Variants in GNG7 observed in about 807,000 individuals in gnomAD.
GNG7 encodes the protein guanine nucleotide-binding protein G(I)/G(S)/G(O) subunit gamma-7.
Under a neutral mutation model 4.0 loss-of-function variants are expected in GNG7, and 1 was observed. The observed-to-expected ratio is 0.25, with a 90% CI of 0.09 to 1.18. GNG7 has a LOEUF of 1.18. Among genes scored for constraint, GNG7 ranks in the 50% most tolerant of loss-of-function variants. GNG7 has a pLI of 0.50. For synonymous variants in GNG7, 34 were observed against 36.9 expected, an observed-to-expected ratio of 0.92 and a Z score of 0.29; for missense variants, 86 against 91.9, an observed-to-expected ratio of 0.94 and a Z score of 0.26.
chr19:2,568,940 TACAC>T (rs1458255846), intron 2 of GNG7, among the ~76,000 whole-genome samples: 1 of 151,060 alleles, frequency 6.6e-6, no homozygotes, highest in Non-Finnish European at 1.5e-5. Flanking sequence ...AATATACAAA[TACAC>T]ACAAATATAC....
chr19:2,606,130 G>A (rs1599418109), intron 2 of GNG7, among the ~76,000 whole-genome samples: 1 of 152,314 alleles, frequency 6.6e-6, no homozygotes, highest in South Asian at 2.1e-4. Flanking sequence ...CGTAATCCCA[G>A]CACTGTGGGA....
chr19:2,512,517 C>T lies in GNG7; in HGVS notation c.*2505G>A, dbSNP rs895780129. 1.5e-4 allele frequency: 41 copies of T among 280,536 alleles called. No individual in the cohort carries two copies. Among genetic ancestry groups the T allele is most frequent in the Non-Finnish European group, 4.3e-5 (8 of 185,576 alleles). The allele number at this position is 280,536 out of a possible 1,614,324, so 17.4% of individuals were successfully genotyped here. On this transcript the variant is annotated 3_prime_UTR_variant, in exon 5 of 5. Coordinates refer to ENST00000382159, the MANE Select transcript of GNG7 (RefSeq NM_052847.3). The surrounding 1 kb of genome is among the most constrained non-coding windows in gnomAD (Gnocchi z 4.7). ...GTGAAGGAGAGGCCAGCCTGTCCTTCCCCTCCCCGAGCCTCAGTTTACCTG... is the reference window on the plus strand; with the variant it reads ...GTGAAGGAGAGGCCAGCCTGTCCTTTCCCTCCCCGAGCCTCAGTTTACCTG...
chr19:2,643,116 A>C (rs1168144286), intron 2 of GNG7: 17 of 449,666 alleles, frequency 3.8e-5, no homozygotes, highest in African/African-American at 1.0e-4. Context: ...GCTAAGTCTG[A>C]GCCCTCTCCG....
In GNG7 at chr19:2,617,727, T is replaced by TTA. The variant is rs1555698038; in HGVS notation, c.-78+28496_-78+28497insTA. ...TATTTTGTCTTTTCCTTTTTATTTT[T>TTA]TTTTTTTTTGAGATAGGGTCTTGCT... On this transcript the variant is annotated intron_variant, in intron 2 of 4. Transcript: ENST00000382159. The surrounding 1 kb of genome is among the most constrained non-coding windows in gnomAD (Gnocchi z 4.7). 6.6e-6 allele frequency among the ~76,000 whole-genome samples: 1 copy of TTA among 151,800 alleles called. No homozygotes were observed. The highest frequency in any genetic ancestry group is 2.4e-5 in the African/African-American group (1 of 41,272).
chr19:2,592,503 G>A (rs376110534), intron 2 of GNG7, among the ~76,000 whole-genome samples: 2 of 152,036 alleles, frequency 1.3e-5, no homozygotes, highest in East Asian at 1.9e-4. Flanking sequence ...GGGAGACTGA[G>A]GCAGGAAGAT....
rs10407081 is a variant in GNG7 at position 2,621,216 on chromosome 19, T to C, written c.-78+25008A>G. On this transcript the variant is annotated intron_variant, in intron 2 of 4. Transcript: ENST00000382159. The stretch of plus-strand genomic sequence containing the variant: ...TCGGAAAATGACTGTTACGGACTAA[T>C]TGCATTTGCTTAAAACTTATGTTGA... Among the ~76,000 whole-genome samples, 1,155 of 152,254 alleles carry C rather than the reference T, an allele frequency of 7.6e-3. 21 individuals are homozygous for C. The highest frequency in any genetic ancestry group is 0.026 in the African/African-American group (1,077 of 41,516).
intron 2 of GNG7, among the ~76,000 whole-genome samples, chr19:2,621,547 G>A (rs540046987): frequency 1.3e-5 from 2 of 151,546 alleles, no homozygotes; most frequent in South Asian, 4.2e-4. Context: ...AAAACACAAA[G>A]TTAGCCGGGC....
intron 1 of GNG7, among the ~76,000 whole-genome samples, chr19:2,657,399 T>TATATATATACACAC (rs1332253018): frequency 2.9e-4 from 23 of 80,700 alleles, no homozygotes; most frequent in Non-Finnish European, 3.3e-4. Context: ...TATATATATA[T>TATATATATACACAC]ACACATAATA....
At chr19:2,663,308 C>G (rs1315137783) in intron 1 of GNG7, among the ~76,000 whole-genome samples, 2 of 151,956 alleles carry the variant, frequency 1.3e-5, no homozygotes, top group African/African-American at 4.8e-5. Flanking sequence ...TTAATGCCAT[C>G]TCTCTTTCTC....
intron 2 of GNG7, chr19:2,642,159 G>T: frequency 6.3e-6 from 1 of 158,562 alleles, no homozygotes. Flanking sequence ...CTGCCTGCCA[G>T]GGAGCTGTTC....
chr19:2,670,018 A>T (rs1351249126), intron 1 of GNG7, among the ~76,000 whole-genome samples: 2 of 151,804 alleles, frequency 1.3e-5, no homozygotes, highest in African/African-American at 2.4e-5. Flanking sequence ...TCAAAAAAAA[A>T]AAAAAAAGAA....
intron 3 of GNG7, among the ~76,000 whole-genome samples, chr19:2,521,208 G>A (rs1296969574): frequency 6.6e-6 from 1 of 151,968 alleles, no homozygotes; most frequent in East Asian, 1.9e-4. Flanking sequence ...GGAGCTTGCA[G>A]TGAGCCGAGA....
chr19:2,553,504 C>A (rs181132842), intron 3 of GNG7, among the ~76,000 whole-genome samples: 3 of 140,570 alleles, frequency 2.1e-5, no homozygotes, highest in East Asian at 2.9e-4. Context: ...ATATGTACAT[C>A]TCATTACATA....
intron 2 of GNG7, chr19:2,642,871 C>T (rs961926061): frequency 1.5e-5 from 7 of 456,612 alleles, no homozygotes; most frequent in African/African-American, 1.0e-4. Context: ...AGTCTGAGCC[C>T]TCTCCGGGCT....
chr19:2,565,241 G>A (rs62123666), intron 2 of GNG7, among the ~76,000 whole-genome samples: 68,076 of 151,734 alleles, frequency 0.45, 15,758 homozygotes, highest in East Asian at 0.67. Flanking sequence ...GCCAGGCGCG[G>A]TGGCTCACAC....
intron 3 of GNG7, among the ~76,000 whole-genome samples, chr19:2,527,176 G>C (rs1421968997): frequency 2.0e-5 from 3 of 152,114 alleles, no homozygotes; most frequent in Non-Finnish European, 4.4e-5. Context: ...AACAATTATG[G>C]ACTCAGGCAG....
At chr19:2,520,364 G>C (rs573013711) in intron 4 of GNG7, among the ~76,000 whole-genome samples, 7 of 152,318 alleles carry the variant, frequency 4.6e-5, no homozygotes, top group Admixed American at 4.6e-4. Context: ...GTCTCCACGG[G>C]GCCCCAGTGT....
At chr19:2,694,744 T>A (rs1293133905) in intron 1 of GNG7, among the ~76,000 whole-genome samples, 1 of 151,066 alleles carries the variant, frequency 6.6e-6, no homozygotes, top group African/African-American at 2.4e-5. Flanking sequence ...TCTCTTGGAG[T>A]CCGTGGACTC....
intron 2 of GNG7, among the ~76,000 whole-genome samples, chr19:2,563,398 G>GT (rs1979807161): frequency 6.6e-6 from 1 of 152,190 alleles, no homozygotes; most frequent in Non-Finnish European, 1.5e-5. Context: ...GGAGCACCCC[G>GT]TAGTCGTGAC....
Sources: allele counts gnomAD v4.1 joint callset (sites outside exome capture counted in the v4.1 genomes callset), GRCh38; gene constraint gnomAD v4.1.1; non-coding constraint Gnocchi (gnomAD v3.1); transcripts MANE v1.5; gene names NCBI Gene and HGNC (gene_info 2026-07-23, HGNC 2026-07-21).